Variants in LIPA observed in about 807,000 individuals in gnomAD.
LIPA encodes lipase A, lysosomal acid type, also known as lysosomal acid lipase/cholesteryl ester hydrolase.
In LIPA, 26 loss-of-function variants were observed where a neutral mutation model predicts 40.6. That is an observed-to-expected ratio of 0.64 (90% CI 0.47 to 0.89). The LOEUF is 0.89. Among genes scored for constraint, LIPA ranks in the 40% least tolerant of loss-of-function variants. LIPA has a pLI of 0.00. For missense variants in LIPA, 455 were observed against 479.6 expected (o/e 0.95, Z 0.48); for synonymous variants, 188 against 168.4 (o/e 1.12, Z -0.90).
chr10:89,351,841 C>T (rs1477278878), intron 2 of LIPA, among the ~76,000 whole-genome samples: 1 of 152,188 alleles, frequency 6.6e-6, no homozygotes, highest in Non-Finnish European at 1.5e-5. Context: ...ATTCAGACAT[C>T]TGACATCACA....
chr10:89,390,538 C>T (rs905429601), intron 2 of LIPA, among the ~76,000 whole-genome samples: 2 of 152,202 alleles, frequency 1.3e-5, no homozygotes, highest in Non-Finnish European at 2.9e-5. Flanking sequence ...AATGAACTCA[C>T]AACCTAGTGC....
At chr10:89,348,542 A>G (rs1013885775) in intron 2 of LIPA, among the ~76,000 whole-genome samples, 2 of 152,116 alleles carry the variant, frequency 1.3e-5, no homozygotes, top group African/African-American at 4.8e-5. Flanking sequence ...AAAGCCAAAC[A>G]CCCACAGTGG....
chr10:89,223,139 C>T (rs1237138878), intron 7 of LIPA, among the ~76,000 whole-genome samples: 1 of 151,996 alleles, frequency 6.6e-6, no homozygotes, highest in Admixed American at 6.6e-5. Flanking sequence ...AATGGCCGTT[C>T]CAAATTTAAA....
intron 1 of LIPA, chr10:89,307,935 C>T (rs1433178541): frequency 6.5e-6 from 1 of 153,364 alleles, no homozygotes; most frequent in East Asian, 1.9e-4. Flanking sequence ...GTATTCTACA[C>T]AATGTGAATT....
intron 1 of LIPA, among the ~76,000 whole-genome samples, chr10:89,316,896 G>T (rs1843544251): frequency 6.6e-6 from 1 of 152,158 alleles, no homozygotes; most frequent in Non-Finnish European, 1.5e-5. Flanking sequence ...AAAGGATCAG[G>T]CAGCAACATT....
intron 2 of LIPA, among the ~76,000 whole-genome samples, chr10:89,357,214 T>C (rs1378920091): frequency 5.3e-5 from 8 of 152,192 alleles, no homozygotes; most frequent in Non-Finnish European, 1.2e-4. Flanking sequence ...TTTCGTATTA[T>C]ACCATAGCAG....
intron 1 of LIPA, chr10:89,306,774 C>A (rs770732258): frequency 2.5e-6 from 4 of 1,614,098 alleles, no homozygotes; most frequent in Non-Finnish European, 3.4e-6. Context: ...CTTAAAAAGG[C>A]TTTAGAATAC....
At chr10:89,271,382 T>G (rs1843264926) in intron 1 of LIPA, among the ~76,000 whole-genome samples, 1 of 152,238 alleles carries the variant, frequency 6.6e-6, no homozygotes, top group Admixed American at 6.5e-5. Flanking sequence ...GTGATGGATT[T>G]ACATTGATTT....
intron 2 of LIPA, among the ~76,000 whole-genome samples, chr10:89,381,303 C>T (rs1393670192): frequency 2.0e-5 from 3 of 152,130 alleles, no homozygotes; most frequent in Admixed American, 6.5e-5. Flanking sequence ...AAACTCTTCC[C>T]GATTCCATCT....
intron 1 of LIPA, among the ~76,000 whole-genome samples, chr10:89,263,159 C>T (rs1201598775): frequency 6.6e-6 from 1 of 152,222 alleles, no homozygotes; most frequent in East Asian, 1.9e-4. Context: ...TTCACCGCCT[C>T]CAAGACTCCC....
upstream of LIPA, among the ~76,000 whole-genome samples, chr10:89,254,072 A>T (rs560878250): frequency 6.6e-6 from 1 of 152,172 alleles, no homozygotes; most frequent in Non-Finnish European, 1.5e-5. Context: ...AGTGCAAGCT[A>T]TCGGTGGATC....
chr10:89,390,617 C>T (rs1004963970), intron 2 of LIPA, among the ~76,000 whole-genome samples: 1 of 152,180 alleles, frequency 6.6e-6, no homozygotes, highest in East Asian at 1.9e-4. Context: ...TAAACACACA[C>T]ACACACGCGC....
At chr10:89,260,000 A>G (rs1410164398) in intron 1 of LIPA, among the ~76,000 whole-genome samples, 1 of 152,166 alleles carries the variant, frequency 6.6e-6, no homozygotes, top group Non-Finnish European at 1.5e-5. Flanking sequence ...ACATGTGAAA[A>G]CTCATCAAAA....
intron 2 of LIPA, chr10:89,404,126 T>C (rs1468651008): frequency 1.3e-5 from 2 of 155,680 alleles, no homozygotes; most frequent in Non-Finnish European, 2.8e-5. Context: ...TGAGAGATCA[T>C]TCACACCTCA....
intron 1 of LIPA, chr10:89,307,331 T>G: frequency 6.2e-7 from 1 of 1,610,588 alleles, no homozygotes; most frequent in Non-Finnish European, 8.5e-7. Flanking sequence ...GGGTTTGGAG[T>G]CTGGAAGCCT....
At chr10:89,369,034 G>A (rs908057093) in intron 2 of LIPA, among the ~76,000 whole-genome samples, 1 of 152,018 alleles carries the variant, frequency 6.6e-6, no homozygotes, top group African/African-American at 2.4e-5. Flanking sequence ...ACAGGGATTG[G>A]ATTATTTATA....
intron 1 of LIPA, among the ~76,000 whole-genome samples, chr10:89,319,753 C>A (rs943037272): frequency 1.3e-5 from 2 of 152,020 alleles, no homozygotes; most frequent in Non-Finnish European, 2.9e-5. Context: ...GGCAGAAACA[C>A]AACAAAAAAA....
At chr10:89,380,552 T>C (rs1470008243) in intron 2 of LIPA, among the ~76,000 whole-genome samples, 1 of 151,906 alleles carries the variant, frequency 6.6e-6, no homozygotes, top group Non-Finnish European at 1.5e-5. Context: ...TCCTCCCACG[T>C]CAGCCCAAGT....
At chr10:89,247,885 T>TATTTA (rs1843052567) in intron 1 of LIPA, 11 of 168,942 alleles carry the variant, frequency 6.5e-5, no homozygotes, top group Admixed American at 1.9e-4. Context: ...TTTATTTATG[T>TATTTA]TGAGATGGAG....
Sources: allele counts gnomAD v4.1 joint callset (sites outside exome capture counted in the v4.1 genomes callset), GRCh38; gene constraint gnomAD v4.1.1; transcripts MANE v1.5; gene names NCBI Gene and HGNC (gene_info 2026-07-23, HGNC 2026-07-21).